The following CTNNA2 variants were observed in gnomAD, a reference collection of about 807,000 sequenced individuals.
CTNNA2 encodes the protein catenin alpha-2.
CTNNA2 carries 42 observed loss-of-function variants against 101.0 expected under a neutral mutation model. The ratio of observed to expected loss-of-function variants is 0.42; its 90% CI spans 0.32 to 0.54. CTNNA2 has a LOEUF of 0.54. CTNNA2 is among the 20% of genes least tolerant of loss of function. CTNNA2 has a pLI of 0.14. For missense variants in CTNNA2, 871 were observed against 1,223.1 expected, an observed-to-expected ratio of 0.71 and a Z score of 4.29; for synonymous variants, 450 against 456.4, an observed-to-expected ratio of 0.99 and a Z score of 0.18.
At chr2:80,602,379 T>C (rs1322341754) in intron 15 of CTNNA2, among the ~76,000 whole-genome samples, 4 of 152,034 alleles carry the variant, frequency 2.6e-5, no homozygotes, top group Admixed American at 6.6e-5. Flanking sequence ...GTGGAAGTTA[T>C]TATGGAACGT....
intron 7 of CTNNA2, among the ~76,000 whole-genome samples, chr2:80,089,246 GC>G (rs890948485): frequency 2.6e-5 from 4 of 151,990 alleles, no homozygotes; most frequent in African/African-American, 9.7e-5. Flanking sequence ...AATTGTGGGA[GC>G]AAAAGTGGGA....
chr2:79,575,168 T>C (rs1675711508), intron 1 of CTNNA2, among the ~76,000 whole-genome samples: 1 of 152,188 alleles, frequency 6.6e-6, no homozygotes, highest in African/African-American at 2.4e-5. Flanking sequence ...AATCCTATGA[T>C]GGAATGTAAT....
At chr2:79,691,477 G>T (rs1684294966) in intron 2 of CTNNA2, among the ~76,000 whole-genome samples, 1 of 150,820 alleles carries the variant, frequency 6.6e-6, no homozygotes, top group Admixed American at 6.6e-5. Context: ...CCAATTAAAA[G>T]ACAGACTTTC....
chr2:79,453,847 A>G (rs1045897263), intron 4 of CTNNA2, among the ~76,000 whole-genome samples: 1 of 152,176 alleles, frequency 6.6e-6, no homozygotes, highest in Non-Finnish European at 1.5e-5. Flanking sequence ...CATAGAGACA[A>G]AAACAGAGAA....
intron 7 of CTNNA2, among the ~76,000 whole-genome samples, chr2:80,349,178 G>A (rs937963979): frequency 1.9e-4 from 29 of 152,204 alleles, no homozygotes; most frequent in African/African-American, 7.0e-4. Flanking sequence ...GACTGGAATT[G>A]TTCTGTCTGA....
At chr2:80,183,910 T>C (rs950356928) in intron 7 of CTNNA2, among the ~76,000 whole-genome samples, 2 of 148,126 alleles carry the variant, frequency 1.4e-5, no homozygotes, top group Non-Finnish European at 3.0e-5. Context: ...TGTGTGTGTG[T>C]AAGCATTGTA....
chr2:79,358,124 T>C (rs1677548883), intron 3 of CTNNA2, among the ~76,000 whole-genome samples: 1 of 152,142 alleles, frequency 6.6e-6, no homozygotes, highest in Non-Finnish European at 1.5e-5. Flanking sequence ...TTTCTTCTTA[T>C]TAAATGAAAA....
chr2:80,131,765 A>T (rs1702428510), intron 7 of CTNNA2, among the ~76,000 whole-genome samples: 1 of 152,084 alleles, frequency 6.6e-6, no homozygotes. Context: ...CAGTCCTTCT[A>T]ACAGGTGTCT....
intron 7 of CTNNA2, among the ~76,000 whole-genome samples, chr2:80,371,870 G>A (rs1472160905): frequency 6.6e-6 from 1 of 152,114 alleles, no homozygotes; most frequent in Non-Finnish European, 1.5e-5. Context: ...GTGAAGTAAT[G>A]TATGCTTATT....
At chr2:80,240,794 A>G (rs2597321) in intron 7 of CTNNA2, among the ~76,000 whole-genome samples, 109,915 of 152,118 alleles carry the variant, frequency 0.72, 40,760 homozygotes, top group African/African-American at 0.89. Context: ...TTAGGAAGAG[A>G]CAGGATTTAA....
At chr2:79,328,392 A>G (rs1029942745) in intron 3 of CTNNA2, among the ~76,000 whole-genome samples, 1 of 152,192 alleles carries the variant, frequency 6.6e-6, no homozygotes, top group East Asian at 1.9e-4. Flanking sequence ...TTGAGAAATG[A>G]CTAAGATATT....
Position 80,350,431 on chromosome 2 carries a change from G to A in CTNNA2, c.1057-42780G>A, listed in dbSNP as rs1673176965. 2.0e-5 allele frequency among the ~76,000 whole-genome samples: 3 copies of A among 152,244 alleles called. No homozygotes were observed. In the South Asian group the frequency reaches 6.2e-4, roughly 32 times the overall value. ...TTTGTTCAGATTTCTTATGCTTACT[G>A]CAAAATAATTATGTAGACATGTCAG... On this transcript the variant is annotated intron_variant, in intron 7 of 18. Coordinates refer to ENST00000402739, the MANE Select transcript of CTNNA2 (RefSeq NM_001282597.3).
intron 7 of CTNNA2, among the ~76,000 whole-genome samples, chr2:80,125,604 C>A (rs1702067590): frequency 6.6e-6 from 1 of 152,208 alleles, no homozygotes; most frequent in Non-Finnish European, 1.5e-5. Context: ...CCACAGCCTC[C>A]TCCTACTGGT....
intron 1 of CTNNA2, among the ~76,000 whole-genome samples, chr2:79,616,843 G>A (rs1198217505): frequency 6.6e-6 from 1 of 151,756 alleles, no homozygotes; most frequent in Non-Finnish European, 1.5e-5. Flanking sequence ...ATTAATCCTT[G>A]TCTTTTGGCG....
At chr2:80,127,192 G>C (rs1187106640) in intron 7 of CTNNA2, among the ~76,000 whole-genome samples, 2 of 152,126 alleles carry the variant, frequency 1.3e-5, no homozygotes, top group Non-Finnish European at 2.9e-5. Flanking sequence ...CAACTTTATA[G>C]CCAGTCTTTA....
intron 7 of CTNNA2, among the ~76,000 whole-genome samples, chr2:80,218,372 A>G (rs1392318413): frequency 6.6e-6 from 1 of 152,240 alleles, no homozygotes; most frequent in Non-Finnish European, 1.5e-5. Context: ...CCTTCAGGAC[A>G]TCCTATGTTA....
At chr2:79,509,014 A>G (rs62141441), upstream of CTNNA2, among the ~76,000 whole-genome samples, 4 of 85,412 alleles carry the variant, frequency 4.7e-5, no homozygotes, top group South Asian at 7.3e-4. Flanking sequence ...TATATATATA[A>G]ACAATTACCT....
chr2:79,261,206 T>C (rs974608051), intron 2 of CTNNA2, among the ~76,000 whole-genome samples: 9 of 152,264 alleles, frequency 5.9e-5, no homozygotes, highest in African/African-American at 2.2e-4. Flanking sequence ...TTCAGAGATA[T>C]TTACTCCTTC....
At chr2:79,927,214 T>A (rs1339243421) in intron 7 of CTNNA2, among the ~76,000 whole-genome samples, 1 of 152,162 alleles carries the variant, frequency 6.6e-6, no homozygotes, top group Admixed American at 6.6e-5. Context: ...AATGCATGCT[T>A]TATTATGGTA....
Sources: allele counts gnomAD v4.1 joint callset (sites outside exome capture counted in the v4.1 genomes callset), GRCh38; gene constraint gnomAD v4.1.1; transcripts MANE v1.5; gene names NCBI Gene and HGNC (gene_info 2026-07-23, HGNC 2026-07-21).